The following CCNB2 variants were observed in gnomAD, a reference collection of about 807,000 sequenced individuals.
CCNB2 encodes the protein cyclin B2.
In CCNB2, 39 loss-of-function variants were observed where a neutral mutation model predicts 51.1. That is an observed-to-expected ratio of 0.76 (90% CI 0.59 to 1.00). The LOEUF (loss-of-function observed/expected upper bound fraction) is 1.00, where lower values mean the gene tolerates loss of function less well. Among genes scored for constraint, CCNB2 ranks in the 50% least tolerant of loss-of-function variants. The pLI is 0.00. For missense variants in CCNB2, 472 were observed against 470.3 expected (o/e 1.00, Z -0.03); for synonymous variants, 174 against 165.5 (o/e 1.05, Z -0.40).
chr15:59,123,417 C>A, intron 7 of CCNB2, 100 bp from the exon 8 acceptor site: 1 of 684,936 alleles, frequency 1.5e-6, no homozygotes, highest in South Asian at 1.8e-5. Flanking sequence ...ACAGCTTTTA[C>A]ATAAGTAATG....
Position 59,107,392 on chromosome 15 carries a change from G to A in CCNB2, c.95G>A (p.Arg32Gln). The change falls in exon 2 of 9, where the codon CGA becomes CAA. Residue 32 changes from arginine (R) to glutamine (Q), a missense_variant. Physicochemically the swap from Arg to Gln is conservative, Grantham distance 43. Coordinates refer to ENST00000288207, the MANE Select transcript of CCNB2 (RefSeq NM_004701.4). ...GTTAAGAGTCATGTGACTATTAGGC[G>A]AACTGTTTTAGAAGAAATTGGAAAT... ...SKVKSHVTIR[R>Q]TVLEEIGNRV... 6.2e-7 allele frequency: 1 copy of A among 1,612,958 alleles called. No individual in the cohort carries two copies. The highest frequency in any genetic ancestry group is 8.5e-7 in the Non-Finnish European group (1 of 1,179,854).
intron 5 of CCNB2, 60 bp downstream of exon 5, chr15:59,114,936 G>C: frequency 1.3e-6 from 2 of 1,515,008 alleles, no homozygotes; most frequent in Non-Finnish European, 1.8e-6. Context: ...TTTATGCTTG[G>C]GGGATAGAAA....
At chr15:59,122,769 C>G (rs1193371708) in intron 7 of CCNB2, among the ~76,000 whole-genome samples, 2 of 152,082 alleles carry the variant, frequency 1.3e-5, no homozygotes, top group African/African-American at 2.4e-5. Context: ...CTCTTAAGCT[C>G]AAGCGATCTT....
Position 59,114,841 on chromosome 15 carries a change from T to C in CCNB2, c.562T>C (p.Tyr188His). The C allele has an allele frequency of 6.2e-7, 1 of 1,614,116 alleles. No homozygotes were observed. The highest frequency in any genetic ancestry group is 8.5e-7 in the Non-Finnish European group (1 of 1,179,958). Residue 188 changes from tyrosine to histidine, a missense_variant, in exon 5 of 9, where the codon TAC becomes CAC. Tyr to His is a moderately conservative substitution (Grantham distance 83, BLOSUM62 2). Coordinates refer to ENST00000288207, the MANE Select transcript of CCNB2 (RefSeq NM_004701.4). ...SKFRLLQETL[Y>H]MCVGIMDRFL... ...GTTTAGGCTTCTGCAGGAGACTCTG[T>C]ACATGTGCGTTGGCATTATGGATCG...
At chr15:59,124,683 A>T (rs2079317637) in intron 8 of CCNB2, 84 bp from the exon 9 acceptor site, 1 of 921,064 alleles carries the variant, frequency 1.1e-6, no homozygotes, top group Non-Finnish European at 1.8e-6. Context: ...GTAGCCGTGG[A>T]CCTTTGATAA....
At chr15:59,109,911 T>G (rs1486060653) in intron 3 of CCNB2, among the ~76,000 whole-genome samples, 3 of 152,104 alleles carry the variant, frequency 2.0e-5, no homozygotes, top group East Asian at 1.9e-4. Flanking sequence ...GCGTGAACCC[T>G]GGGGGCCGGA....
At chr15:59,122,581 C>G (rs1451449649) in intron 7 of CCNB2, among the ~76,000 whole-genome samples, 1 of 148,348 alleles carries the variant, frequency 6.7e-6, no homozygotes. Flanking sequence ...ACTGTGTTGC[C>G]CAGGCTGGAG....
intron 3 of CCNB2, among the ~76,000 whole-genome samples, chr15:59,111,852 CTT>C (rs1388668198): frequency 2.8e-5 from 4 of 145,172 alleles, no homozygotes; most frequent in Non-Finnish European, 6.0e-5. Context: ...TTCTTTCTTT[CTT>C]TCTTTTTTTT....
Position 59,123,542 on chromosome 15 carries a change from G to T in CCNB2, c.1001G>T (p.Gly334Val), listed in dbSNP as rs772289710. 1.2e-6 allele frequency: 2 copies of T among 1,612,710 alleles called. No homozygotes were observed. Among genetic ancestry groups the T allele is most frequent in the Non-Finnish European group, 1.7e-6 (2 of 1,178,758 alleles). ...KWNLKQQYYT[G>V]YTENEVLEVM... is the part of the protein sequence containing the mutation. ...AACTTAAAGCAGCAGTATTACACAG[G>T]ATACACAGAGAATGAAGTATTGGAA... Residue 334 changes from glycine to valine, a missense_variant, in exon 8 of 9, where the codon GGA becomes GTA. Transcript: ENST00000288207.
intron 6 of CCNB2, 85 bp downstream of exon 6, chr15:59,117,011 T>C (rs1397984268): frequency 8.6e-7 from 1 of 1,168,748 alleles, no homozygotes; most frequent in African/African-American, 1.5e-5. Flanking sequence ...AAAGCTTATT[T>C]ATAGGACGCT....
At chr15:59,118,586 A>T (rs1197505296) in intron 7 of CCNB2, among the ~76,000 whole-genome samples, 1 of 152,262 alleles carries the variant, frequency 6.6e-6, no homozygotes, top group East Asian at 1.9e-4. Flanking sequence ...CTGGAGGCCT[A>T]GGCATAAGAA....
intron 3 of CCNB2, among the ~76,000 whole-genome samples, chr15:59,112,309 T>A (rs1243981880): frequency 6.6e-6 from 1 of 152,096 alleles, no homozygotes; most frequent in African/African-American, 2.4e-5. Flanking sequence ...CCTCGAAGAC[T>A]GGAAATTATA....
chr15:59,113,785 G>A (rs2079267421), intron 3 of CCNB2, among the ~76,000 whole-genome samples: 1 of 152,178 alleles, frequency 6.6e-6, no homozygotes, highest in Non-Finnish European at 1.5e-5. Context: ...GAGTGCAGTG[G>A]CGTGATCTTG....
At chr15:59,110,263 A>C (rs757542666) in intron 3 of CCNB2, among the ~76,000 whole-genome samples, 3 of 152,208 alleles carry the variant, frequency 2.0e-5, no homozygotes, top group Non-Finnish European at 2.9e-5. Context: ...GAGATAAAGC[A>C]TTATGGACCC....
At chr15:59,106,888 T>A (rs1352053395) in intron 1 of CCNB2, among the ~76,000 whole-genome samples, 2 of 152,218 alleles carry the variant, frequency 1.3e-5, no homozygotes, top group Admixed American at 1.3e-4. Context: ...TATTAACTAT[T>A]AATATTATAG....
At chr15:59,111,117 T>C (rs8038183) in intron 3 of CCNB2, among the ~76,000 whole-genome samples, 1 of 152,342 alleles carries the variant, frequency 6.6e-6, no homozygotes, top group African/African-American at 2.4e-5. Context: ...TTAAATTATG[T>C]TGGAGTTCAA....
intron 3 of CCNB2, among the ~76,000 whole-genome samples, chr15:59,111,247 T>G (rs1402712027): frequency 6.6e-6 from 1 of 152,214 alleles, no homozygotes; most frequent in African/African-American, 2.4e-5. Context: ...TTGCCCAGGT[T>G]GGACTCAAAC....
rs1244721563 is a variant in CCNB2, at chr15:59,123,592, G to C, written c.1051G>C (p.Val351Leu). 3 of 1,610,876 alleles carry C rather than the reference G, an allele frequency of 1.9e-6. No individual in the cohort carries two copies. Among genetic ancestry groups the C allele is most frequent in the Admixed American group, 3.3e-5 (2 of 59,772 alleles). The stretch of plus-strand genomic sequence containing the variant: ...AGTCATGCAGCACATGGCCAAGAAT[G>C]TGGTGAAAGTAAATGAAAACTTAAC... The part of the protein sequence containing the change: ...LEVMQHMAKN[V>L]VKVNENLTKF... Residue 351 changes from valine to leucine, a missense_variant, in exon 8 of 9, where the codon GTG becomes CTG. By Grantham distance (32) the Val-to-Leu change is conservative (BLOSUM62 1). Transcript: ENST00000288207.
At chr15:59,114,372 T>A in intron 3 of CCNB2, 72 bp from the exon 4 acceptor site, 1 of 1,174,610 alleles carries the variant, frequency 8.5e-7, no homozygotes, top group South Asian at 1.6e-5. Flanking sequence ...GATATTGATA[T>A]TTAAGCCAGT....
Sources: allele counts gnomAD v4.1 joint callset (sites outside exome capture counted in the v4.1 genomes callset), GRCh38; gene constraint gnomAD v4.1.1; transcripts MANE v1.5; gene names NCBI Gene and HGNC (gene_info 2026-07-23, HGNC 2026-07-21).